NMBR: variants seen among roughly 807,000 people sequenced by gnomAD.
The protein encoded by NMBR is neuromedin B receptor, also known as neuromedin-B receptor.
Under a neutral mutation model 20.5 loss-of-function variants are expected in NMBR, and 16 were observed. That is an observed-to-expected ratio of 0.78 (90% CI 0.53 to 1.19). NMBR has a LOEUF of 1.19. NMBR is among the 50% of genes most tolerant of loss of function. The pLI is 0.00. For missense variants in NMBR, 582 were observed against 499.1 expected (o/e 1.17, Z -1.58); for synonymous variants, 212 against 196.6 (o/e 1.08, Z -0.65).
At chr6:142,111,146 A>G (rs1777756207) in intron 1 of NMBR, among the ~76,000 whole-genome samples, 3 of 152,018 alleles carry the variant, frequency 2.0e-5, no homozygotes, top group African/African-American at 7.2e-5. Context: ...AGTCTGAGGC[A>G]GGAGAATTGC....
intron 1 of NMBR, among the ~76,000 whole-genome samples, chr6:142,139,183 A>G (rs115660475): frequency 0.015 from 2,214 of 152,298 alleles, 48 homozygotes; most frequent in African/African-American, 0.051. Flanking sequence ...TTTGCCTCTC[A>G]GGATTCTTCC....
chr6:142,076,957 T>C (rs1426830524), intron 3 of NMBR, among the ~76,000 whole-genome samples: 2 of 152,062 alleles, frequency 1.3e-5, no homozygotes, highest in African/African-American at 2.4e-5. Flanking sequence ...TGATGGTAGG[T>C]AGCAATAGAG....
At chr6:142,105,799 T>C (rs1023727178) in intron 1 of NMBR, among the ~76,000 whole-genome samples, 1 of 152,188 alleles carries the variant, frequency 6.6e-6, no homozygotes, top group Non-Finnish European at 1.5e-5. Flanking sequence ...TTGTTTTATA[T>C]CACCATTTGT....
chr6:142,088,705 GC>G lies in NMBR; in HGVS notation c.-48del. On this transcript the variant is annotated 5_prime_UTR_variant, in exon 2 of 4. Coordinates refer to ENST00000258042, the MANE Select transcript of NMBR (RefSeq NM_002511.4). Reference sequence around the variant, plus strand: ...CGCTGGAGTTTTCACGCGCTCCGGTGCCCTGAGGACTGAACGCCCACGATTT... The same window carrying G: ...CGCTGGAGTTTTCACGCGCTCCGGTGCCTGAGGACTGAACGCCCACGATTT... 13 of 1,538,896 alleles carry G rather than the reference GC, an allele frequency of 8.4e-6. No homozygotes were observed. The highest frequency in any genetic ancestry group is 1.1e-5 in the Non-Finnish European group (13 of 1,138,902).
At position 142,088,253 on chromosome 6, in the gene NMBR, C is replaced by T. The variant is rs781388255; in HGVS notation, c.406G>A (p.Ala136Thr). ...TGCTCTTACCTGTCGGCGCTGAGGG[C>T]AGTGAGAGTGAACACGGAAACCCCC... is the stretch of plus-strand genomic sequence containing the variant. ...SVGVSVFTLT[A>T]LSADRYRAIV... Residue 136 changes from alanine to threonine, a missense_variant, in exon 2 of 4, where the codon GCC becomes ACC. By Grantham distance (58) the Ala-to-Thr change is moderately conservative (BLOSUM62 0). Coordinates refer to ENST00000258042, the MANE Select transcript of NMBR (RefSeq NM_002511.4). The T allele has an allele frequency of 1.2e-6, 2 of 1,612,222 alleles. No homozygotes were observed. The highest frequency in any genetic ancestry group is 1.7e-6 in the Non-Finnish European group (2 of 1,179,914).
chr6:142,103,932 G>T (rs1306551265), intron 1 of NMBR, among the ~76,000 whole-genome samples: 1 of 152,154 alleles, frequency 6.6e-6, no homozygotes, highest in Non-Finnish European at 1.5e-5. Flanking sequence ...GTATTCAAGA[G>T]TGCTTGTCAG....
At chr6:142,142,920 A>G (rs1778380615) in intron 1 of NMBR, among the ~76,000 whole-genome samples, 1 of 152,014 alleles carries the variant, frequency 6.6e-6, no homozygotes, top group Non-Finnish European at 1.5e-5. Context: ...CTCCACCTCT[A>G]CAAAAAATAA....
chr6:142,104,762 G>A (rs1777629579), intron 1 of NMBR, among the ~76,000 whole-genome samples: 1 of 152,166 alleles, frequency 6.6e-6, no homozygotes, highest in Admixed American at 6.6e-5. Context: ...CTCAGAAAGT[G>A]AGGAAAAATG....
At chr6:142,103,497 A>G (rs1342409896) in intron 1 of NMBR, among the ~76,000 whole-genome samples, 1 of 152,128 alleles carries the variant, frequency 6.6e-6, no homozygotes, top group Non-Finnish European at 1.5e-5. Flanking sequence ...AAAATAATAT[A>G]TTTTTTAATT....
At chr6:142,106,305 G>T (rs1777661034) in intron 1 of NMBR, among the ~76,000 whole-genome samples, 1 of 152,166 alleles carries the variant, frequency 6.6e-6, no homozygotes, top group South Asian at 2.1e-4. Flanking sequence ...CTGGCTTGCA[G>T]TTGCTAGTCT....
At position 142,088,758 on chromosome 6, in the gene NMBR, G is replaced by T; in HGVS notation, c.-100C>A. 2 of 1,081,294 alleles carry T rather than the reference G, an allele frequency of 1.8e-6. No individual in the cohort carries two copies. Among genetic ancestry groups the T allele is most frequent in the East Asian group, 2.6e-5 (1 of 38,754 alleles). 67.0% of individuals were successfully genotyped at this position (1,081,294 alleles called of 1,614,324 possible). ...GGTTTAATCGATGTCCCTCCCTCTC[G>T]CCCCTGCAAGTTTACTGTCCGCGGG... On this transcript the variant is annotated 5_prime_UTR_variant, in exon 2 of 4. Coordinates refer to ENST00000258042, the MANE Select transcript of NMBR (RefSeq NM_002511.4).
At chr6:142,113,444 T>C (rs1337648187) in intron 1 of NMBR, among the ~76,000 whole-genome samples, 1 of 152,154 alleles carries the variant, frequency 6.6e-6, no homozygotes, top group Non-Finnish European at 1.5e-5. Context: ...TTATTGACAT[T>C]CAACTGTTGG....
At chr6:142,144,480 C>T (rs1001350292) in intron 1 of NMBR, among the ~76,000 whole-genome samples, 2 of 152,072 alleles carry the variant, frequency 1.3e-5, no homozygotes, top group African/African-American at 2.4e-5. Flanking sequence ...TATGGTTGCC[C>T]TCACCCCCTA....
intron 1 of NMBR, among the ~76,000 whole-genome samples, chr6:142,091,722 C>T (rs1470714008): frequency 6.6e-6 from 1 of 152,072 alleles, no homozygotes; most frequent in African/African-American, 2.4e-5. Flanking sequence ...AAATCAGTGT[C>T]TGTTATGTCT....
intron 1 of NMBR, among the ~76,000 whole-genome samples, chr6:142,142,264 A>G (rs1234452745): frequency 1.3e-5 from 2 of 152,234 alleles, no homozygotes; most frequent in Non-Finnish European, 2.9e-5. Context: ...TAAATGTTTA[A>G]GGAAGAAATA....
At chr6:142,088,106 C>T (rs900910027) in intron 2 of NMBR, 131 bp downstream of exon 2, 1 of 809,042 alleles carries the variant, frequency 1.2e-6, no homozygotes, top group African/African-American at 1.7e-5. Flanking sequence ...TACACACTCT[C>T]TCCCTCTCTT....
intron 1 of NMBR, among the ~76,000 whole-genome samples, chr6:142,129,782 A>C (rs1186875786): frequency 1.3e-5 from 2 of 152,192 alleles, no homozygotes; most frequent in Admixed American, 1.3e-4. Flanking sequence ...CCACGGTCTC[A>C]TTAAGGACAG....
At chr6:142,090,634 G>C (rs1239303001) in intron 1 of NMBR, among the ~76,000 whole-genome samples, 1 of 150,634 alleles carries the variant, frequency 6.6e-6, no homozygotes, top group Non-Finnish European at 1.5e-5. Context: ...GGGAGCAAGA[G>C]AAAGAGGAAA....
chr6:142,075,180 T>C lies in NMBR; in HGVS notation c.*468A>G, dbSNP rs1284445906. On this transcript the variant is annotated 3_prime_UTR_variant, in exon 4 of 4. Transcript: ENST00000258042. ...TCACCAGGACAATCTGACTTGTATTTCAAATAATAGGAGTTTGAATATTAC... is the reference window on the plus strand; with the variant it reads ...TCACCAGGACAATCTGACTTGTATTCCAAATAATAGGAGTTTGAATATTAC... Among the ~76,000 whole-genome samples the C allele has an allele frequency of 6.6e-6, 1 of 152,004 alleles. No homozygotes were observed. Among genetic ancestry groups the C allele is most frequent in the Non-Finnish European group, 1.5e-5 (1 of 67,978 alleles).
Sources: gnomAD v4.1 joint callset for allele counts (sites outside exome capture counted in the v4.1 genomes callset) on GRCh38, gnomAD v4.1.1 for gene constraint, MANE v1.5 for transcripts, NCBI Gene and HGNC (gene_info 2026-07-23, HGNC 2026-07-21) for gene names.